Variants in TNS2 observed in about 807,000 individuals in gnomAD.
TNS2 encodes the protein tensin-2.
Under a neutral mutation model 155.7 loss-of-function variants are expected in TNS2, and 77 were observed. The ratio of observed to expected loss-of-function variants is 0.49; its 90% confidence interval spans 0.41 to 0.60. The LOEUF (loss-of-function observed/expected upper bound fraction) is 0.60. TNS2 is among the 20% of genes least tolerant of loss of function. TNS2 has a pLI of 0.00. For synonymous variants in TNS2, 726 were observed against 763.9 expected (o/e 0.95, Z 0.82); for missense variants, 1,703 against 1,868.8 (o/e 0.91, Z 1.64).
At chr12:53,055,354 C>T (rs1292750674) in intron 8 of TNS2, 118 bp downstream of exon 8, 3 of 1,249,956 alleles carry the variant, frequency 2.4e-6, no homozygotes, top group African/African-American at 3.0e-5. Flanking sequence ...AGCACTTTCC[C>T]ACTCTCCCAT....
intron 2 of TNS2, 185 bp from the exon 3 acceptor site, chr12:53,052,270 A>T: frequency 1.4e-6 from 1 of 732,342 alleles, no homozygotes; most frequent in Non-Finnish European, 2.4e-6. Flanking sequence ...CCTGGGCAGT[A>T]GTACCCCACT....
At position 53,050,127 on chromosome 12, in the gene TNS2, C is replaced by G; in HGVS notation, c.-59C>G. The G allele has an allele frequency of 1.3e-6, 2 of 1,582,604 alleles. No individual in the cohort carries two copies. The highest frequency in any genetic ancestry group is 8.6e-7 in the Non-Finnish European group (1 of 1,166,712). On this transcript the variant is annotated 5_prime_UTR_variant, in exon 1 of 29. Transcript: ENST00000314250. This position sits in a 1 kb window ranked among gnomAD's most constrained non-coding sequence, Gnocchi z 4.7. Reference sequence around the variant, plus strand: ...CCGCCAGGCCGCTTCCAGGAAGCCCCGGGCCAGGCCCCAGCATTGTTCAGG... The same window carrying G: ...CCGCCAGGCCGCTTCCAGGAAGCCCGGGGCCAGGCCCCAGCATTGTTCAGG...
At position 53,058,368 on chromosome 12, in the gene TNS2, G is replaced by A. The variant is rs145598644; in HGVS notation, c.1148G>A (p.Arg383Gln). Residue 383 changes from arginine (R) to glutamine (Q), a missense_variant, in exon 15 of 29, where the codon CGA becomes CAA. Coordinates refer to ENST00000314250, the MANE Select transcript of TNS2 (RefSeq NM_170754.4). Reference sequence around the variant, plus strand: ...GGCACAGACCGGACCCTCGTGTTCCGAGTCCAGTTCCACACCTGCACCATC... The same window carrying A: ...GGCACAGACCGGACCCTCGTGTTCCAAGTCCAGTTCCACACCTGCACCATC... ...GRGTDRTLVF[R>Q]VQFHTCTIHG... The A allele has an allele frequency of 7.6e-5, 122 of 1,614,018 alleles. No homozygotes were observed. The highest frequency in any genetic ancestry group is 1.3e-4 in the Admixed American group (8 of 60,002).
chr12:53,058,199 A>G lies in TNS2; in HGVS notation c.1095+97A>G, dbSNP rs1207302268. On this transcript the variant is annotated intron_variant, in intron 14 of 28. Transcript: ENST00000314250. The stretch of plus-strand genomic sequence containing the variant: ...CCAATTTGAGACAGATTGGAGAGCG[A>G]GTAGGGAGATCACCTTGAGATCGAG... 5.6e-6 allele frequency: 9 copies of G among 1,607,916 alleles called. No individual in the cohort carries two copies. In the Admixed American group the frequency reaches 1.5e-4, roughly 27 times the overall value.
chr12:53,054,071 T>A, intron 6 of TNS2, 57 bp downstream of exon 6: 1 of 1,610,242 alleles, frequency 6.2e-7, no homozygotes, highest in Non-Finnish European at 8.5e-7. Flanking sequence ...GCCCCACACC[T>A]CAGCCCAGGG....
At chr12:53,057,237 G>T in intron 11 of TNS2, 141 bp downstream of exon 11, 1 of 908,484 alleles carries the variant, frequency 1.1e-6, no homozygotes. Flanking sequence ...AGTGGACAAA[G>T]CCCCTGCTCT....
chr12:53,055,313 A>C (rs1287343244), intron 8 of TNS2, 77 bp downstream of exon 8: 1 of 1,499,630 alleles, frequency 6.7e-7, no homozygotes, highest in African/African-American at 1.4e-5. Flanking sequence ...CTCGTTATTA[A>C]TAGTAGCAAT....
intron 9 of TNS2, 34 bp downstream of exon 9, chr12:53,055,724 A>T (rs1944126747): frequency 1.2e-6 from 2 of 1,614,154 alleles, no homozygotes; most frequent in East Asian, 2.2e-5. Flanking sequence ...TGGTGCCTGG[A>T]GGTTCCAGGT....
At chr12:53,055,751 G>A (rs754729099) in intron 9 of TNS2, 30 bp from the exon 10 acceptor site, 1 of 1,614,190 alleles carries the variant, frequency 6.2e-7, no homozygotes, top group South Asian at 1.1e-5. Context: ...GGAGCTCCCA[G>A]ACCCTCATCC....
Position 53,059,326 on chromosome 12 carries a change from C to T in TNS2, c.1685C>T (p.Ala562Val), listed in dbSNP as rs746081174. The change falls in exon 18 of 29, where the codon GCC (alanine) becomes GTC (valine). Residue 562 changes from alanine (A) to valine (V), a missense_variant. Coordinates refer to ENST00000314250, the MANE Select transcript of TNS2 (RefSeq NM_170754.4). The surrounding 1 kb of genome is among the most constrained non-coding windows in gnomAD (Gnocchi z 4.7). ...SGGRGAGRET[A>V]ILDDEEQPTV... Reference sequence around the variant, plus strand: ...GGCCGGGGAGCTGGGCGCGAGACGGCCATCCTAGATGACGAAGAGCAGCCC... The same window carrying T: ...GGCCGGGGAGCTGGGCGCGAGACGGTCATCCTAGATGACGAAGAGCAGCCC... The T allele has an allele frequency of 7.1e-7, 1 of 1,414,966 alleles. No individual in the cohort carries two copies. Among genetic ancestry groups the T allele is most frequent in the South Asian group, 1.7e-5 (1 of 57,500 alleles). The allele number at this position is 1,414,966 out of a possible 1,614,324, so 87.7% of individuals were successfully genotyped here.
In TNS2 at chr12:53,063,187, C is replaced by T. The variant is rs750287195; in HGVS notation, c.3922C>T (p.Arg1308Cys). ...CTCTGCAGCTCTGAGCTGTAGCCCC[C>T]GCCCGACACCAGCTGTTGTCCACTT... ...ASSAALSCSP[R>C]PTPAVVHFKV... Residue 1308 changes from arginine (R) to cysteine (C), a missense_variant, in exon 26 of 29, where the codon CGC becomes TGC. Transcript: ENST00000314250. The surrounding 1 kb of genome is among the most constrained non-coding windows in gnomAD (Gnocchi z 5.6). The T allele has an allele frequency of 1.4e-5, 23 of 1,612,316 alleles. No individual in the cohort carries two copies. The highest frequency in any genetic ancestry group is 5.5e-5 in the South Asian group (5 of 90,884).
intron 3 of TNS2, among the ~76,000 whole-genome samples, chr12:53,052,754 A>G (rs888607212): frequency 5.9e-5 from 5 of 85,354 alleles, no homozygotes; most frequent in Non-Finnish European, 1.1e-4. Context: ...AGCTGGCGAG[A>G]GGATGGGGGT....
At position 53,058,781 on chromosome 12, in the gene TNS2, G is replaced by A; in HGVS notation, c.1359G>A (p.Trp453Ter). The change falls in exon 17 of 29, where the codon TGG becomes TGA. Residue 453 changes from tryptophan (W) to a stop codon, truncating the protein, a stop_gained. Transcript: ENST00000314250. LOFTEE classifies it high-confidence loss of function. ...DYNTTEPAVR[W>*]DSYENFNQHH... ...ACACCACTGAGCCAGCCGTGCGCTGGGACTCCTATGAGAACTTCAACCAGC... is the reference window on the plus strand; with the variant it reads ...ACACCACTGAGCCAGCCGTGCGCTGAGACTCCTATGAGAACTTCAACCAGC... 6.2e-7 allele frequency: 1 copy of A among 1,613,896 alleles called. No individual in the cohort carries two copies. Among genetic ancestry groups the A allele is most frequent in the Non-Finnish European group, 8.5e-7 (1 of 1,180,000 alleles).
chr12:53,058,726 G>A lies in TNS2; in HGVS notation c.1304G>A (p.Arg435Gln), dbSNP rs201129791. The A allele has an allele frequency of 1.8e-4, 294 of 1,613,984 alleles. No individual in the cohort carries two copies. Among genetic ancestry groups the A allele is most frequent in the South Asian group, 1.3e-3 (122 of 91,076 alleles). The change falls in exon 17 of 29, where the codon CGG becomes CAG. Residue 435 changes from arginine to glutamine, a missense_variant. Coordinates refer to ENST00000314250, the MANE Select transcript of TNS2 (RefSeq NM_170754.4). ...TGGCCTTCCACAGGCAGCACTCCAC[G>A]GAACGACCCCTCGGTCTCTGTCGAC... ...SPEKIKGSTP[R>Q]NDPSVSVDYN... is the part of the protein sequence containing the mutation.
rs1404487011 is a variant in TNS2, at chr12:53,050,485, T to C, written c.75+225T>C. On this transcript the variant is annotated intron_variant, in intron 1 of 28. Coordinates refer to ENST00000314250, the MANE Select transcript of TNS2 (RefSeq NM_170754.4). The surrounding 1 kb of genome is among the most constrained non-coding windows in gnomAD (Gnocchi z 4.7). ...TTGGCTCCTCTCACCTTCCCTGCTCTAGCCTGGGCCAACCCCAGGAGGTCC... is the reference window on the plus strand; with the variant it reads ...TTGGCTCCTCTCACCTTCCCTGCTCCAGCCTGGGCCAACCCCAGGAGGTCC... Among the ~76,000 whole-genome samples the C allele has an allele frequency of 6.6e-6, 1 of 152,000 alleles. No homozygotes were observed. Among genetic ancestry groups the C allele is most frequent in the Non-Finnish European group, 1.5e-5 (1 of 67,984 alleles).
Position 53,050,254 on chromosome 12 carries a change from A to G in TNS2, c.69A>G (p.Ala23=), listed in dbSNP as rs764413377. Residue 23 remains alanine, a synonymous_variant, in exon 1 of 29, where the codon GCA becomes GCG. Transcript: ENST00000314250. This position sits in a 1 kb window ranked among gnomAD's most constrained non-coding sequence, Gnocchi z 4.7. The stretch of plus-strand genomic sequence containing the variant: ...GGAGGAGGGACAGCAGCCGGGCCGC[A>G]AGCAGGGTAGGAGTGCCCACCAGCT... ...ALGRRDSSRA[A]SRPRKAEPHS... 2 of 1,607,210 alleles carry G rather than the reference A, an allele frequency of 1.2e-6. No homozygotes were observed. Among genetic ancestry groups the G allele is most frequent in the Non-Finnish European group, 1.7e-6 (2 of 1,177,804 alleles).
chr12:53,047,525 G>C (rs1943769640), upstream of TNS2, among the ~76,000 whole-genome samples: 2 of 149,868 alleles, frequency 1.3e-5, no homozygotes, highest in Non-Finnish European at 3.0e-5. Flanking sequence ...CGGGGGCTCT[G>C]GCTGGCCGCG....
At chr12:53,058,978 C>G (rs991996657) in intron 17 of TNS2, 69 bp from the exon 18 acceptor site, 6 of 1,539,036 alleles carry the variant, frequency 3.9e-6, no homozygotes, top group Admixed American at 1.9e-5. Flanking sequence ...GCCATCCCCT[C>G]TCATGAATTT....
At position 53,062,364 on chromosome 12, in the gene TNS2, C is replaced by T. The variant is rs371067720; in HGVS notation, c.3668-12C>T. 156 of 1,613,776 alleles carry T rather than the reference C, an allele frequency of 9.7e-5. No homozygotes were observed. The highest frequency in any genetic ancestry group is 1.3e-4 in the Non-Finnish European group (151 of 1,179,880). On this transcript the variant is annotated splice_polypyrimidine_tract_variant and intron_variant, in intron 23 of 28. Transcript: ENST00000314250. ...TGGGCATCTCGGGACTTTCCTACCT[C>T]CTCTCCCACAGGCAGCCTGTCCGCC...
Sources: gnomAD v4.1 joint callset for allele counts (sites outside exome capture counted in the v4.1 genomes callset) on GRCh38, gnomAD v4.1.1 for gene constraint, Gnocchi (gnomAD v3.1) non-coding constraint, MANE v1.5 for transcripts, NCBI Gene and HGNC (gene_info 2026-07-23, HGNC 2026-07-21) for gene names.